The following EPSTI1 variants were observed in gnomAD, a reference collection of about 807,000 sequenced individuals.
The protein encoded by EPSTI1 is epithelial-stromal interaction protein 1.
In EPSTI1, 66 loss-of-function variants were observed where a neutral mutation model predicts 49.9. The ratio of observed to expected loss-of-function variants is 1.32; its 90% confidence interval spans 1.08 to 1.62. EPSTI1 has a LOEUF of 1.62. EPSTI1 is among the 40% of genes most tolerant of loss of function. The pLI is 0.00. For missense variants in EPSTI1, 394 were observed against 365.5 expected, an observed-to-expected ratio of 1.08 and a Z score of -0.64; for synonymous variants, 137 against 130.7, an observed-to-expected ratio of 1.05 and a Z score of -0.33.
chr13:42,910,901 T>C (rs2037651557), intron 8 of EPSTI1, among the ~76,000 whole-genome samples: 1 of 152,208 alleles, frequency 6.6e-6, no homozygotes. Context: ...AATATAATGT[T>C]GGTTATTGGT....
rs1337614110 is a variant in EPSTI1, at chr13:42,948,422, G to GTTT, written c.563+5525_563+5526insAAA. 7.9e-5 allele frequency among the ~76,000 whole-genome samples: 9 copies of GTTT among 113,942 alleles called. No homozygotes were observed. The South Asian group carries it at 8.9e-4, about 11-fold the overall frequency. 74.8% of individuals were successfully genotyped at this position (113,942 alleles called of 152,430 possible). On this transcript the variant is annotated intron_variant, in intron 6 of 10. Coordinates refer to ENST00000313624, the MANE Select transcript of EPSTI1 (RefSeq NM_033255.5). ...CTCTGCAGGAACTCCAGAGTGGCTT[G>GTTT]TTGTTTTTTTTTTTTTTTTGCTGTT...
chr13:42,981,701 C>T (rs9533333), intron 1 of EPSTI1, among the ~76,000 whole-genome samples: 96,839 of 152,032 alleles, frequency 0.64, 31,252 homozygotes, highest in Non-Finnish European at 0.67. Flanking sequence ...GTCTCTTCTG[C>T]CATGCATAGA....
chr13:42,890,296 CTT>C (rs71202241), intron 10 of EPSTI1, among the ~76,000 whole-genome samples: 31 of 116,280 alleles, frequency 2.7e-4, no homozygotes, highest in Admixed American at 1.2e-3. Flanking sequence ...TTTTTCTTTT[CTT>C]TTTTTTTTTT....
intron 1 of EPSTI1, 34 bp downstream of exon 1, chr13:42,991,944 T>TC: frequency 1.2e-6 from 2 of 1,610,732 alleles, no homozygotes; most frequent in Non-Finnish European, 1.7e-6. Context: ...GGGCCCGGGC[T>TC]CCCGCCCCGA....
intron 7 of EPSTI1, chr13:42,919,361 T>C: frequency 6.2e-7 from 1 of 1,607,702 alleles, no homozygotes; most frequent in African/African-American, 1.3e-5. Flanking sequence ...AGGGAATAAA[T>C]TGATCACTAT....
chr13:42,908,214 A>T (rs767261030), intron 8 of EPSTI1, among the ~76,000 whole-genome samples: 1 of 152,240 alleles, frequency 6.6e-6, no homozygotes, highest in African/African-American at 2.4e-5. Flanking sequence ...AGCTGGGCAC[A>T]GTGGTTCATG....
At chr13:42,952,112 C>G (rs2039117025) in intron 6 of EPSTI1, among the ~76,000 whole-genome samples, 1 of 152,130 alleles carries the variant, frequency 6.6e-6, no homozygotes, top group Non-Finnish European at 1.5e-5. Flanking sequence ...AATCAGCACT[C>G]TGTAAAATGG....
intron 2 of EPSTI1, chr13:42,969,537 G>C (rs754507533): frequency 8.8e-6 from 2 of 226,042 alleles, no homozygotes; most frequent in Non-Finnish European, 1.8e-5. Context: ...ATATTTTCAC[G>C]TCAATAAGAA....
chr13:42,975,711 C>T (rs1667972309), intron 1 of EPSTI1, among the ~76,000 whole-genome samples: 1 of 152,118 alleles, frequency 6.6e-6, no homozygotes, highest in South Asian at 2.1e-4. Context: ...CACACCTTAG[C>T]TGGGCAAGTG....
chr13:42,932,476 C>T lies in EPSTI1; in HGVS notation c.564-6047G>A, dbSNP rs146677649. 4.0e-3 allele frequency among the ~76,000 whole-genome samples: 604 copies of T among 152,156 alleles called. 5 individuals carry two copies. Among genetic ancestry groups the T allele is most frequent in the African/African-American group, 0.013 (557 of 41,500 alleles). Reference sequence around the variant, plus strand: ...CTGCCCCATATATCTACCACTTAAGCCCCCACACCTCCCTCTAGCCTTCCA... The same window carrying T: ...CTGCCCCATATATCTACCACTTAAGTCCCCACACCTCCCTCTAGCCTTCCA... On this transcript the variant is annotated intron_variant, in intron 6 of 10. Transcript: ENST00000313624.
chr13:42,927,348 T>C (rs111831425), intron 6 of EPSTI1, among the ~76,000 whole-genome samples: 3 of 152,218 alleles, frequency 2.0e-5, no homozygotes, highest in African/African-American at 7.2e-5. Flanking sequence ...ATGTAATTTG[T>C]GTGATTTTTA....
intron 7 of EPSTI1, among the ~76,000 whole-genome samples, chr13:42,925,392 C>T (rs1285514093): frequency 3.3e-5 from 5 of 152,068 alleles, no homozygotes; most frequent in Admixed American, 6.6e-5. Flanking sequence ...CCAGGAGCAC[C>T]ATGAGCACGC....
chr13:42,889,831 T>C lies in EPSTI1; in HGVS notation c.916-1329A>G, dbSNP rs564878683. On this transcript the variant is annotated intron_variant, in intron 10 of 10. Coordinates refer to ENST00000313624, the MANE Select transcript of EPSTI1 (RefSeq NM_033255.5). ...TTATTGTTGTTTATACCTTGGGTCTTACAAAATCCTTTCTCAGCTCTATTT... is the reference window on the plus strand; with the variant it reads ...TTATTGTTGTTTATACCTTGGGTCTCACAAAATCCTTTCTCAGCTCTATTT... Among the ~76,000 whole-genome samples the C allele has an allele frequency of 6.7e-4, 102 of 152,324 alleles. 1 individual carries two copies. The South Asian group carries it at 0.015, about 22-fold the overall frequency.
intron 8 of EPSTI1, among the ~76,000 whole-genome samples, chr13:42,905,333 C>A (rs1283282309): frequency 6.6e-6 from 1 of 152,094 alleles, no homozygotes; most frequent in Non-Finnish European, 1.5e-5. Flanking sequence ...TCGCTGCACT[C>A]AGGATTATTA....
At chr13:42,980,861 A>G (rs2039975073) in intron 1 of EPSTI1, among the ~76,000 whole-genome samples, 1 of 152,222 alleles carries the variant, frequency 6.6e-6, no homozygotes, top group Non-Finnish European at 1.5e-5. Context: ...TTTTATAACA[A>G]GCAGATATGA....
At chr13:42,901,506 CAATG>C (rs147960230) in intron 8 of EPSTI1, among the ~76,000 whole-genome samples, 233 of 152,216 alleles carry the variant, frequency 1.5e-3, no homozygotes, top group African/African-American at 5.5e-3. Context: ...TTTTTGAAAT[CAATG>C]AATAATATTT....
chr13:42,955,267 G>A (rs2039223401), intron 5 of EPSTI1, among the ~76,000 whole-genome samples: 2 of 152,104 alleles, frequency 1.3e-5, no homozygotes. Context: ...TGCCCTCCAG[G>A]GTGGGGACTG....
intron 10 of EPSTI1, among the ~76,000 whole-genome samples, chr13:42,890,296 C>CTTTT (rs71202241): frequency 8.6e-5 from 10 of 116,294 alleles, no homozygotes; most frequent in South Asian, 2.8e-4. Context: ...TTTTTCTTTT[C>CTTTT]TTTTTTTTTT....
Position 42,970,655 on chromosome 13 carries a change from G to C in EPSTI1, c.204C>G (p.Thr68=). ...TCCGGTTTATATTTGGTGCTATCAAGGTGTATGCACTTGTGCTAAAAGGAA... is the reference window on the plus strand; with the variant it reads ...TCCGGTTTATATTTGGTGCTATCAACGTGTATGCACTTGTGCTAAAAGGAA... ...HAGQRRTSAY[T]LIAPNINRRN... Residue 68 remains threonine, a synonymous_variant, in exon 2 of 11, where the codon ACC becomes ACG. Coordinates refer to ENST00000313624, the MANE Select transcript of EPSTI1 (RefSeq NM_033255.5). 5 of 1,608,570 alleles carry C rather than the reference G, an allele frequency of 3.1e-6. No individual in the cohort carries two copies. Among genetic ancestry groups the C allele is most frequent in the Non-Finnish European group, 4.2e-6 (5 of 1,178,468 alleles).
Sources: gnomAD v4.1 joint callset for allele counts (sites outside exome capture counted in the v4.1 genomes callset) on GRCh38, gnomAD v4.1.1 for gene constraint, MANE v1.5 for transcripts, NCBI Gene and HGNC (gene_info 2026-07-23, HGNC 2026-07-21) for gene names.